Variants in SRC observed in about 807,000 individuals in gnomAD.
SRC encodes the protein proto-oncogene tyrosine-protein kinase Src.
A neutral mutation model predicts 62.9 loss-of-function variants in SRC; 13 were observed. The observed-to-expected ratio is 0.21, with a 90% CI of 0.13 to 0.33. The LOEUF (loss-of-function observed/expected upper bound fraction) is 0.33. Ranked by LOEUF, SRC falls within the 10% of genes least tolerant of loss-of-function variation. The pLI is 1.00. For synonymous variants in SRC, 302 were observed against 317.5 expected, an observed-to-expected ratio of 0.95 and a Z score of 0.52; for missense variants, 457 against 737.3, an observed-to-expected ratio of 0.62 and a Z score of 4.40.
chr20:37,386,317 G>T, intron 5 of SRC, 143 bp downstream of exon 5: 1 of 834,410 alleles, frequency 1.2e-6, no homozygotes, highest in South Asian at 1.4e-5. Flanking sequence ...GGAGGCAGGC[G>T]CCTGCTGCAC....
chr20:37,373,134 A>G (rs1040890095), intron 2 of SRC, among the ~76,000 whole-genome samples: 33 of 142,790 alleles, frequency 2.3e-4, no homozygotes, highest in African/African-American at 8.8e-4. Flanking sequence ...GTACATATAT[A>G]CACATATGTA....
intron 2 of SRC, among the ~76,000 whole-genome samples, chr20:37,378,147 CCTTT>C (rs966197574): frequency 1.0e-4 from 15 of 147,284 alleles, no homozygotes; most frequent in South Asian, 4.3e-4. Flanking sequence ...TGTGCAATTT[CCTTT>C]CTTTCTTCTC....
chr20:37,385,270 C>T (rs1568635444), intron 4 of SRC, among the ~76,000 whole-genome samples: 3 of 152,206 alleles, frequency 2.0e-5, no homozygotes. Flanking sequence ...CAGAGACACA[C>T]GGACAGGCGT....
In SRC at chr20:37,402,891, C is replaced by A. The variant is rs1387135536; in HGVS notation, c.1402+11C>A. On this transcript the variant is annotated intron_variant, in intron 13 of 13. Coordinates refer to ENST00000373578, the MANE Select transcript of SRC (RefSeq NM_198291.3). The surrounding 1 kb of genome is among the most constrained non-coding windows in gnomAD (Gnocchi z 6.2). ...GGGTGCCCTACCCTGGTAAGAAGGT[C>A]CTCATGGCCTGTCTGTGGTCCCTGA... 1 of 1,610,912 alleles carries A rather than the reference C, an allele frequency of 6.2e-7. No individual in the cohort carries two copies.
At chr20:37,392,749 A>G (rs1390039701) in intron 5 of SRC, among the ~76,000 whole-genome samples, 1 of 151,952 alleles carries the variant, frequency 6.6e-6, no homozygotes, top group African/African-American at 2.4e-5. Flanking sequence ...CTCCCTGCCC[A>G]TTGACCTCTC....
In SRC at chr20:37,404,280, G is replaced by A. The variant is rs79481769; in HGVS notation, c.*901G>A. 761 of 233,782 alleles carry A rather than the reference G, an allele frequency of 3.3e-3. 7 individuals are homozygous for A. The highest frequency in any genetic ancestry group is 0.016 in the African/African-American group (722 of 45,458). The allele number at this position is 233,782 out of a possible 1,614,324, so 14.5% of individuals were successfully genotyped here. ...GCCCAGCTGTTGGGAACAGCATGGA[G>A]GCAGATGTGGGGCTGAGCTGGGGAA... On this transcript the variant is annotated 3_prime_UTR_variant, in exon 14 of 14. Transcript: ENST00000373578.
intron 1 of SRC, among the ~76,000 whole-genome samples, chr20:37,359,468 G>T (rs2069933170): frequency 6.6e-6 from 1 of 152,212 alleles, no homozygotes; most frequent in Admixed American, 6.5e-5. Flanking sequence ...TGGAGGATGG[G>T]TCGCAATTAG....
At chr20:37,367,239 A>AT (rs534752899) in intron 2 of SRC, among the ~76,000 whole-genome samples, 7,597 of 141,760 alleles carry the variant, frequency 0.054, 467 homozygotes, top group East Asian at 0.2. Flanking sequence ...CGCCTGGCTA[A>AT]TTTTTTTTTT....
Position 37,397,727 on chromosome 20 carries a change from C to T in SRC, c.732C>T (p.Leu244=), listed in dbSNP as rs1030586310. The T allele has an allele frequency of 6.2e-7, 1 of 1,602,406 alleles. No individual in the cohort carries two copies. Among genetic ancestry groups the T allele is most frequent in the Non-Finnish European group, 8.5e-7 (1 of 1,173,544 alleles). Residue 244 remains leucine, a synonymous_variant, in exon 9 of 14, where the codon CTC becomes CTT. Transcript: ENST00000373578. The surrounding 1 kb of genome is among the most constrained non-coding windows in gnomAD (Gnocchi z 4.1). ...ACGCCGATGGCCTGTGCCACCGCCTCACCACCGTGTGCCCCACGTCCAAGC... is the reference window on the plus strand; with the variant it reads ...ACGCCGATGGCCTGTGCCACCGCCTTACCACCGTGTGCCCCACGTCCAAGC... ...SKHADGLCHR[L]TTVCPTSKPQ...
At position 37,351,681 on chromosome 20, in the gene SRC, G is replaced by A. The variant is rs896282303; in HGVS notation, c.-247+5426G>A. On this transcript the variant is annotated intron_variant, in intron 1 of 13. Coordinates refer to ENST00000373578, the MANE Select transcript of SRC (RefSeq NM_198291.3). This position sits in a 1 kb window ranked among gnomAD's most constrained non-coding sequence, Gnocchi z 4.4. ...TCTGATGTCGATATCTTCATGTCATGCCCTTCTGAGCTGGGTCATAATAAG... is the reference window on the plus strand; with the variant it reads ...TCTGATGTCGATATCTTCATGTCATACCCTTCTGAGCTGGGTCATAATAAG... Among the ~76,000 whole-genome samples the A allele has an allele frequency of 1.3e-5, 2 of 152,160 alleles. No individual in the cohort carries two copies. The highest frequency in any genetic ancestry group is 4.8e-5 in the African/African-American group (2 of 41,408).
At chr20:37,380,683 G>A (rs1462083893) in intron 2 of SRC, among the ~76,000 whole-genome samples, 2 of 152,070 alleles carry the variant, frequency 1.3e-5, no homozygotes, top group East Asian at 3.9e-4. Context: ...GGTCTCTGGG[G>A]GCATGGAGAT....
At chr20:37,373,199 T>C (rs947453688) in intron 2 of SRC, among the ~76,000 whole-genome samples, 6 of 149,292 alleles carry the variant, frequency 4.0e-5, no homozygotes, top group Admixed American at 3.3e-4. Context: ...TACATATATG[T>C]ACATATCTAC....
intron 2 of SRC, among the ~76,000 whole-genome samples, chr20:37,370,063 G>C (rs6094491): frequency 0.23 from 35,473 of 152,166 alleles, 5,392 homozygotes; most frequent in African/African-American, 0.44. Flanking sequence ...GCCTCCCAGA[G>C]TGCTGGGATT....
At chr20:37,370,739 T>C (rs1765004020) in intron 2 of SRC, among the ~76,000 whole-genome samples, 1 of 152,138 alleles carries the variant, frequency 6.6e-6, no homozygotes, top group Admixed American at 6.6e-5. Context: ...GGTCTGTAAT[T>C]TTCTTTTCTT....
rs1301002725 is a variant in SRC at position 37,404,634 on chromosome 20, G to A, written c.*1255G>A. On this transcript the variant is annotated 3_prime_UTR_variant, in exon 14 of 14. Coordinates refer to ENST00000373578, the MANE Select transcript of SRC (RefSeq NM_198291.3). The stretch of plus-strand genomic sequence containing the variant: ...CAGGACTGGCTGTGTAACCTTGGGT[G>A]GCCCCTGCTGTCTCTCTGGGCTGCA... The A allele has an allele frequency of 1.3e-5, 3 of 233,660 alleles. No homozygotes were observed. In the East Asian group the frequency reaches 1.8e-4, roughly 14 times the overall value. 14.5% of individuals were successfully genotyped at this position (233,660 alleles called of 1,614,324 possible).
chr20:37,366,434 A>G (rs2070062916), intron 2 of SRC, among the ~76,000 whole-genome samples: 1 of 152,234 alleles, frequency 6.6e-6, no homozygotes, highest in African/African-American at 2.4e-5. Context: ...TTTTTAGTAG[A>G]GTCACGGAAT....
At chr20:37,371,849 C>T (rs186640931) in intron 2 of SRC, among the ~76,000 whole-genome samples, 65 of 151,948 alleles carry the variant, frequency 4.3e-4, no homozygotes, top group Middle Eastern at 3.4e-3. Context: ...TTACAAGGCA[C>T]CTGCCACCAC....
At position 37,405,306 on chromosome 20, in the gene SRC, G is replaced by A. The variant is rs892109336; in HGVS notation, c.*1927G>A. On this transcript the variant is annotated 3_prime_UTR_variant, in exon 14 of 14. Transcript: ENST00000373578. ...CCTGGGGGACCCCTGGCTCTGGGCC[G>A]GGCCTGGGGCTCCGAAATTCCAAGG... 1.4e-4 allele frequency: 31 copies of A among 217,142 alleles called. No homozygotes were observed. The highest frequency in any genetic ancestry group is 6.7e-4 in the African/African-American group (29 of 42,966). 13.5% of individuals were successfully genotyped at this position (217,142 alleles called of 1,614,324 possible).
chr20:37,366,947 G>A (rs1452225776), intron 2 of SRC, among the ~76,000 whole-genome samples: 1 of 152,150 alleles, frequency 6.6e-6, no homozygotes, highest in East Asian at 1.9e-4. Flanking sequence ...GGAACTGCCA[G>A]ACTGTTTTGC....
Sources: gnomAD v4.1 joint callset for allele counts (sites outside exome capture counted in the v4.1 genomes callset) on GRCh38, gnomAD v4.1.1 for gene constraint, Gnocchi (gnomAD v3.1) non-coding constraint, MANE v1.5 for transcripts, NCBI Gene and HGNC (gene_info 2026-07-23, HGNC 2026-07-21) for gene names.